Variants in CCDC30 observed in about 807,000 individuals in gnomAD.
CCDC30 encodes the protein coiled-coil domain-containing protein 30.
In CCDC30, 70 loss-of-function variants were observed where a neutral mutation model predicts 100.2. The observed-to-expected ratio is 0.70, with a 90% confidence interval of 0.58 to 0.85. The LOEUF is 0.85. Among genes scored for constraint, CCDC30 ranks in the 40% least tolerant of loss-of-function variants. The pLI is 0.00. For synonymous variants in CCDC30, 233 were observed against 269.5 expected (o/e 0.86, Z 1.33); for missense variants, 652 against 771.2 (o/e 0.85, Z 1.83).
intron 6 of CCDC30, among the ~76,000 whole-genome samples, chr1:42,560,390 G>T (rs1216917965): frequency 6.6e-6 from 1 of 152,022 alleles, no homozygotes; most frequent in Non-Finnish European, 1.5e-5. Flanking sequence ...TTGTTGTTGA[G>T]TCAGAGTCTT....
chr1:42,507,285 G>T (rs915405933), intron 6 of CCDC30, among the ~76,000 whole-genome samples: 1 of 152,188 alleles, frequency 6.6e-6, no homozygotes, highest in Non-Finnish European at 1.5e-5. Context: ...ATTTGACCAT[G>T]AGGTGAAATC....
At chr1:42,468,180 C>G (rs1017062497) in intron 1 of CCDC30, among the ~76,000 whole-genome samples, 1 of 152,052 alleles carries the variant, frequency 6.6e-6, no homozygotes, top group African/African-American at 2.4e-5. Context: ...AATAATAATG[C>G]GTTGAAAAAG....
In CCDC30 at chr1:42,523,411, C is replaced by A. The variant is rs530115060; in HGVS notation, c.456+24495C>A. On this transcript the variant is annotated intron_variant, in intron 6 of 16. Transcript: ENST00000668663. ...CTGTTAGAATTTAGAATATTTCAGC[C>A]CACTGCCTTCTGGTTGCCAAAGTTT... Among the ~76,000 whole-genome samples the A allele has an allele frequency of 3.3e-5, 5 of 152,232 alleles. No individual in the cohort carries two copies. In the South Asian group the frequency reaches 1.0e-3, roughly 32 times the overall value.
At chr1:42,528,926 A>T (rs1644766356) in intron 6 of CCDC30, among the ~76,000 whole-genome samples, 1 of 152,220 alleles carries the variant, frequency 6.6e-6, no homozygotes, top group Non-Finnish European at 1.5e-5. Context: ...GTTTTCCCTA[A>T]CGTTTAACAT....
At chr1:42,553,552 A>G (rs1645300545) in intron 6 of CCDC30, among the ~76,000 whole-genome samples, 1 of 151,774 alleles carries the variant, frequency 6.6e-6, no homozygotes, top group Non-Finnish European at 1.5e-5. Flanking sequence ...GCAACTCAGG[A>G]GGCTGAGGCA....
intron 12 of CCDC30, among the ~76,000 whole-genome samples, chr1:42,637,804 T>C (rs113906787): frequency 6.6e-5 from 10 of 152,334 alleles, no homozygotes; most frequent in African/African-American, 2.2e-4. Context: ...TCAAGCTTTT[T>C]TATGTTTGTC....
intron 7 of CCDC30, among the ~76,000 whole-genome samples, chr1:42,567,182 CA>C (rs916020885): frequency 7.1e-6 from 1 of 140,726 alleles, no homozygotes; most frequent in African/African-American, 2.7e-5. Context: ...CCCCATGGTG[CA>C]GGGGTCAGCA....
At chr1:42,653,609 C>T (rs568959695) in intron 16 of CCDC30, among the ~76,000 whole-genome samples, 166 bp downstream of exon 20, 105 of 152,266 alleles carry the variant, frequency 6.9e-4, no homozygotes, top group Middle Eastern at 3.4e-3. Flanking sequence ...TCCAATTCCT[C>T]CCCTTGCCAC....
At chr1:42,653,744 C>A in intron 16 of CCDC30, 74 bp from the exon 21 acceptor site, 1 of 1,064,642 alleles carries the variant, frequency 9.4e-7, no homozygotes, top group South Asian at 1.4e-5. Context: ...CTATCAATGC[C>A]TGTATCCCTG....
intron 6 of CCDC30, among the ~76,000 whole-genome samples, chr1:42,524,267 T>C (rs1644691305): frequency 6.6e-6 from 1 of 152,182 alleles, no homozygotes; most frequent in Non-Finnish European, 1.5e-5. Context: ...TTTTTTATTG[T>C]TGTGGCATTA....
At chr1:42,630,903 G>A (rs577255952) in intron 11 of CCDC30, among the ~76,000 whole-genome samples, 99 of 152,104 alleles carry the variant, frequency 6.5e-4, no homozygotes, top group African/African-American at 2.3e-3. Context: ...AGTTTCTTCA[G>A]AACAGCTATT....
chr1:42,485,230 A>G (rs1412784969), intron 3 of CCDC30, among the ~76,000 whole-genome samples: 1 of 152,200 alleles, frequency 6.6e-6, no homozygotes, highest in African/African-American at 2.4e-5. Context: ...AAACTGTTAG[A>G]AGAAAACAAG....
chr1:42,573,618 G>T (rs2148578253), intron 7 of CCDC30, among the ~76,000 whole-genome samples: 1 of 152,094 alleles, frequency 6.6e-6, no homozygotes, highest in South Asian at 2.1e-4. Flanking sequence ...CCACAGTGCT[G>T]AATAGAACTG....
At chr1:42,538,454 G>A (rs1644951156) in intron 6 of CCDC30, among the ~76,000 whole-genome samples, 1 of 152,108 alleles carries the variant, frequency 6.6e-6, no homozygotes. Context: ...AGTTTAAGCT[G>A]TCCATCATGG....
intron 10 of CCDC30, among the ~76,000 whole-genome samples, chr1:42,598,121 T>A (rs1646329087): frequency 1.3e-5 from 2 of 151,940 alleles, no homozygotes; most frequent in Non-Finnish European, 2.9e-5. Context: ...GAACCATGAT[T>A]GTGCCACTGC....
rs368442063 is a variant in CCDC30, at chr1:42,556,150, A to C, written c.457-10146A>C. Reference sequence around the variant, plus strand: ...TGATAGATTTTATTCTTATATTTGCACCAAGTCCCAAATTAGGAGAAAGAA... The same window carrying C: ...TGATAGATTTTATTCTTATATTTGCCCCAAGTCCCAAATTAGGAGAAAGAA... On this transcript the variant is annotated intron_variant, in intron 6 of 16. Coordinates refer to ENST00000668663, the Ensembl canonical transcript of CCDC30. 1 of 1,603,648 alleles carries C rather than the reference A, an allele frequency of 6.2e-7. No individual in the cohort carries two copies. The highest frequency in any genetic ancestry group is 8.5e-7 in the Non-Finnish European group (1 of 1,177,236).
At chr1:42,457,345 C>G in the CCDC30 span, 3 of 1,613,416 alleles carry the variant, frequency 1.9e-6, no homozygotes, top group Non-Finnish European at 2.5e-6. Flanking sequence ...TGGGGGCCCA[C>G]TGCAGGTGAT....
intron 11 of CCDC30, among the ~76,000 whole-genome samples, chr1:42,619,453 A>T (rs1357317106): frequency 6.6e-6 from 1 of 152,196 alleles, no homozygotes; most frequent in African/African-American, 2.4e-5. Flanking sequence ...CAAATCTATT[A>T]ATGTGTGTGT....
chr1:42,494,627 A>G (rs1490886272), intron 4 of CCDC30, among the ~76,000 whole-genome samples: 3 of 151,348 alleles, frequency 2.0e-5, no homozygotes, highest in African/African-American at 7.3e-5. Context: ...GCTAATATCC[A>G]GAATCTACAA....
Sources: allele counts gnomAD v4.1 joint callset (sites outside exome capture counted in the v4.1 genomes callset), GRCh38; gene constraint gnomAD v4.1.1; transcripts MANE v1.5; gene names NCBI Gene and HGNC (gene_info 2026-07-23, HGNC 2026-07-21).